MRTFB: variants seen among roughly 807,000 people sequenced by gnomAD.
MRTFB encodes myocardin-related transcription factor B.
In MRTFB, 29 loss-of-function variants were observed where a neutral mutation model predicts 104.2. That is an observed-to-expected ratio of 0.28 (90% CI 0.21 to 0.38). The LOEUF is 0.38. Ranked by LOEUF, MRTFB falls within the 10% of genes least tolerant of loss-of-function variation. MRTFB has a pLI of 1.00. For missense variants in MRTFB, 1,270 were observed against 1,341.6 expected, an observed-to-expected ratio of 0.95 and a Z score of 0.83; for synonymous variants, 535 against 519.5, an observed-to-expected ratio of 1.03 and a Z score of -0.41.
intron 2 of MRTFB, among the ~76,000 whole-genome samples, chr16:14,132,279 T>C (rs926332244): frequency 4.6e-5 from 7 of 151,796 alleles, no homozygotes; most frequent in African/African-American, 1.7e-4. Context: ...GAGGGAGAGA[T>C]TAAGAAATGA....
chr16:14,231,708 T>G (rs2042276723), intron 8 of MRTFB, among the ~76,000 whole-genome samples: 1 of 152,330 alleles, frequency 6.6e-6, no homozygotes, highest in East Asian at 1.9e-4. Context: ...CTTTTAATCC[T>G]TTTTGGAATA....
At chr16:14,116,134 T>C (rs1427591188) in intron 2 of MRTFB, among the ~76,000 whole-genome samples, 1 of 152,214 alleles carries the variant, frequency 6.6e-6, no homozygotes, top group African/African-American at 2.4e-5. Flanking sequence ...GGGCCCATTT[T>C]ACCTCTCCTG....
In MRTFB at chr16:14,249,001, T is replaced by C; in HGVS notation, c.2323T>C (p.Ser775Pro). Residue 775 changes from serine (S) to proline (P), a missense_variant, in exon 13 of 17, where the codon TCA (serine) becomes CCA (proline). By Grantham distance (74) the Ser-to-Pro change is moderately conservative. Transcript: ENST00000571589. ...AAQIPTAALA[S>P]GLAPTVPQTQ... is the part of the protein sequence containing the mutation. ...ACAAATACCAACTGCTGCCTTGGCC[T>C]CAGGCTTGGCCCCAACTGTACCTCA... is the stretch of plus-strand genomic sequence containing the variant. 1.2e-6 allele frequency: 2 copies of C among 1,614,224 alleles called. No individual in the cohort carries two copies. The highest frequency in any genetic ancestry group is 8.5e-7 in the Non-Finnish European group (1 of 1,180,034).
At chr16:14,124,250 CTTTA>C (rs2036995768) in intron 2 of MRTFB, among the ~76,000 whole-genome samples, 1 of 152,188 alleles carries the variant, frequency 6.6e-6, no homozygotes, top group Non-Finnish European at 1.5e-5. Context: ...TTCGAATACC[CTTTA>C]TTTCTTTCTC....
At chr16:14,223,839 G>A (rs1002558276) in intron 8 of MRTFB, among the ~76,000 whole-genome samples, 1 of 152,320 alleles carries the variant, frequency 6.6e-6, no homozygotes, top group Middle Eastern at 3.4e-3. Flanking sequence ...TAGGAGGAAA[G>A]ACATGGATAT....
chr16:14,212,196 T>A (rs2041220366), intron 4 of MRTFB, among the ~76,000 whole-genome samples, 158 bp from the exon 5 acceptor site: 1 of 152,236 alleles, frequency 6.6e-6, no homozygotes, highest in South Asian at 2.1e-4. Flanking sequence ...CTGTAACATT[T>A]AAGATTTCAA....
chr16:14,018,274 C>T, the MRTFB span, among the ~76,000 whole-genome samples: 1 of 152,138 alleles, frequency 6.6e-6, no homozygotes, highest in African/African-American at 2.4e-5. Flanking sequence ...CCTCTCTGAG[C>T]TTCAGTTTCC....
rs558382945 is a variant in MRTFB, at chr16:14,172,279, G to A, written c.154+31519G>A. ...TTATTTCCTCTTCTTTCTCACACAC[G>A]AAATAACATATTGACACTATTTTGC... is the stretch of plus-strand genomic sequence containing the variant. On this transcript the variant is annotated intron_variant, in intron 3 of 16. Transcript: ENST00000571589. Among the ~76,000 whole-genome samples, 5 of 151,970 alleles carry A rather than the reference G, an allele frequency of 3.3e-5. No homozygotes were observed. The South Asian group carries it at 1.0e-3, about 32-fold the overall frequency.
At chr16:14,174,715 A>C (rs2039527269) in intron 3 of MRTFB, among the ~76,000 whole-genome samples, 1 of 152,076 alleles carries the variant, frequency 6.6e-6, no homozygotes, top group Non-Finnish European at 1.5e-5. Context: ...TTCCTTTGTC[A>C]CATACAATTT....
intron 10 of MRTFB, among the ~76,000 whole-genome samples, chr16:14,241,754 C>G (rs1245411205): frequency 6.6e-6 from 1 of 152,018 alleles, no homozygotes; most frequent in African/African-American, 2.4e-5. Context: ...TCTAAAACAT[C>G]AGGGCATGGA....
chr16:14,142,216 A>T (rs2038040289), intron 3 of MRTFB: 1 of 145,538 alleles, frequency 6.9e-6, no homozygotes, highest in African/African-American at 2.5e-5. Context: ...CTCACTGGTG[A>T]TGACTTTTAA....
chr16:14,265,043 T>C lies in MRTFB; in HGVS notation c.*3599T>C, dbSNP rs2043898831. The C allele has an allele frequency of 6.6e-6, 1 of 152,212 alleles. No individual in the cohort carries two copies. The highest frequency in any genetic ancestry group is 1.5e-5 in the Non-Finnish European group (1 of 68,034). 9.4% of individuals were successfully genotyped at this position (152,212 alleles called of 1,614,324 possible). A position where few individuals can be genotyped will look rare whatever the true frequency, so the allele number is the denominator to read the frequency against. ...CGTGGTAAAGCACTTTGGCAGGGTT[T>C]AAAATATTTGTGAGAAGCCCACATT... On this transcript the variant is annotated 3_prime_UTR_variant, in exon 17 of 17. Transcript: ENST00000571589.
At chr16:14,053,873 T>C in the MRTFB span, among the ~76,000 whole-genome samples, 8 of 152,008 alleles carry the variant, frequency 5.3e-5, no homozygotes, top group Middle Eastern at 6.3e-3. Flanking sequence ...GGAGCCAGAG[T>C]GAGGCTGCCT....
intron 10 of MRTFB, chr16:14,241,173 A>G (rs57208140): frequency 0.031 from 5,528 of 176,870 alleles, 333 homozygotes; most frequent in African/African-American, 0.12. Context: ...AGGCCAAAAT[A>G]TAAGAAAAAA....
chr16:14,107,239 C>CA (rs1344580137), intron 2 of MRTFB, among the ~76,000 whole-genome samples: 1 of 151,932 alleles, frequency 6.6e-6, no homozygotes, highest in Non-Finnish European at 1.5e-5. Context: ...CTGTCTCAAA[C>CA]AAAAAAACAA....
the MRTFB span, among the ~76,000 whole-genome samples, chr16:14,062,843 C>T: frequency 6.6e-6 from 1 of 152,166 alleles, no homozygotes. Context: ...CCTGCCCTCA[C>T]TTTAGCCGCT....
chr16:14,200,351 G>T, intron 3 of MRTFB: 1 of 1,607,874 alleles, frequency 6.2e-7, no homozygotes, highest in Non-Finnish European at 8.5e-7. Flanking sequence ...CTGGCGTAGG[G>T]CCGCCATGTT....
At chr16:14,121,497 G>T (rs1335367888) in intron 2 of MRTFB, among the ~76,000 whole-genome samples, 3 of 152,136 alleles carry the variant, frequency 2.0e-5, no homozygotes, top group African/African-American at 7.2e-5. Flanking sequence ...TTATTAAGTA[G>T]AATTGAGTTA....
At chr16:14,191,047 T>A (rs1398307797) in intron 3 of MRTFB, among the ~76,000 whole-genome samples, 2 of 152,204 alleles carry the variant, frequency 1.3e-5, no homozygotes, top group Non-Finnish European at 2.9e-5. Flanking sequence ...TAATCCAACC[T>A]GGAAATACAT....
Sources: gnomAD v4.1 joint callset for allele counts (sites outside exome capture counted in the v4.1 genomes callset) on GRCh38, gnomAD v4.1.1 for gene constraint, MANE v1.5 for transcripts, NCBI Gene and HGNC (gene_info 2026-07-23, HGNC 2026-07-21) for gene names.